PSMA8: variants seen among roughly 807,000 people sequenced by gnomAD.
PSMA8 encodes the protein proteasome subunit alpha-type 8.
Under a neutral mutation model 32.4 loss-of-function variants are expected in PSMA8, and 18 were observed. The ratio of observed to expected loss-of-function variants is 0.56; its 90% confidence interval spans 0.38 to 0.82. The LOEUF (loss-of-function observed/expected upper bound fraction) is 0.82, where lower values mean the gene tolerates loss of function less well. Ranked by LOEUF, PSMA8 falls within the 40% of genes least tolerant of loss-of-function variation. The pLI is 0.00. For missense variants in PSMA8, 298 were observed against 300.7 expected (o/e 0.99, Z 0.07); for synonymous variants, 104 against 98.1 (o/e 1.06, Z -0.36).
chr18:26,173,714 G>T (rs978329592), intron 4 of PSMA8, among the ~76,000 whole-genome samples: 11 of 151,930 alleles, frequency 7.2e-5, no homozygotes, highest in Non-Finnish European at 1.5e-4. Context: ...GTGCCACCAC[G>T]CCTGGCTAAT....
At chr18:26,157,215 T>C (rs2055097111) in intron 3 of PSMA8, among the ~76,000 whole-genome samples, 1 of 152,114 alleles carries the variant, frequency 6.6e-6, no homozygotes. Context: ...CATACAGTTA[T>C]ATACAGCCAC....
intron 4 of PSMA8, 108 bp downstream of exon 4, chr18:26,158,352 A>G (rs917499966): frequency 2.2e-6 from 2 of 918,414 alleles, no homozygotes; most frequent in East Asian, 2.8e-5. Flanking sequence ...AAATATTGAT[A>G]TTGGTAAAAT....
chr18:26,142,756 G>A (rs1307126800), intron 1 of PSMA8, among the ~76,000 whole-genome samples: 1 of 152,170 alleles, frequency 6.6e-6, no homozygotes, highest in Non-Finnish European at 1.5e-5. Context: ...CTTTCTTGCT[G>A]TGTCCTCACA....
intron 1 of PSMA8, among the ~76,000 whole-genome samples, chr18:26,139,500 G>A (rs1191857057): frequency 2.0e-5 from 3 of 152,164 alleles, no homozygotes; most frequent in East Asian, 3.8e-4. Context: ...GAGACTGTGA[G>A]GCAGCTGAAA....
At chr18:26,167,662 G>A (rs539055014) in intron 4 of PSMA8, among the ~76,000 whole-genome samples, 1 of 152,224 alleles carries the variant, frequency 6.6e-6, no homozygotes, top group East Asian at 1.9e-4. Flanking sequence ...TCTTTTGCAT[G>A]AACATGTATG....
At chr18:26,171,385 G>A in intron 4 of PSMA8, 1 of 1,248,442 alleles carries the variant, frequency 8.0e-7, no homozygotes, top group Non-Finnish European at 1.1e-6. Flanking sequence ...ATACCAAGCA[G>A]ACTAATATAA....
chr18:26,187,244 G>A (rs1328004560), intron 6 of PSMA8, among the ~76,000 whole-genome samples: 1 of 152,166 alleles, frequency 6.6e-6, no homozygotes. Flanking sequence ...TACTCAGGGG[G>A]CTGAGGCAGG....
chr18:26,133,889 T>C lies in PSMA8; in HGVS notation c.-77T>C. 4 of 1,269,310 alleles carry C rather than the reference T, an allele frequency of 3.2e-6. No homozygotes were observed. Among genetic ancestry groups the C allele is most frequent in the Non-Finnish European group, 4.6e-6 (4 of 874,954 alleles). 78.6% of individuals were successfully genotyped at this position (1,269,310 alleles called of 1,614,324 possible). A position where few individuals can be genotyped will look rare whatever the true frequency, so the allele number is the denominator to read the frequency against. On this transcript the variant is annotated 5_prime_UTR_variant, in exon 1 of 7. Coordinates refer to ENST00000415576, the MANE Select transcript of PSMA8 (RefSeq NM_001025096.2). ...GAAGCGCTTCCGGGCGGTAGCACGC[T>C]GTGTTGGCGGCGGCTCCCCGCTTGC...
At chr18:26,190,283 AAG>A (rs1257021203) in intron 6 of PSMA8, among the ~76,000 whole-genome samples, 1 of 152,156 alleles carries the variant, frequency 6.6e-6, no homozygotes, top group East Asian at 1.9e-4. Context: ...AGATAACTAA[AAG>A]AGTATAATTG....
At chr18:26,135,181 T>C (rs952928014) in intron 1 of PSMA8, among the ~76,000 whole-genome samples, 5 of 152,198 alleles carry the variant, frequency 3.3e-5, no homozygotes, top group African/African-American at 1.2e-4. Flanking sequence ...TCAATAATTT[T>C]AGTGATTTAT....
chr18:26,172,419 G>A (rs566288465), intron 4 of PSMA8, among the ~76,000 whole-genome samples: 1 of 152,288 alleles, frequency 6.6e-6, no homozygotes, highest in South Asian at 2.1e-4. Flanking sequence ...TGGGCATAGT[G>A]ATGTACCAAT....
intron 6 of PSMA8, among the ~76,000 whole-genome samples, chr18:26,191,756 A>G (rs1017192397): frequency 2.0e-5 from 3 of 152,180 alleles, no homozygotes; most frequent in African/African-American, 7.2e-5. Flanking sequence ...GGTTTGGCCA[A>G]TAATTGCTGT....
chr18:26,166,183 G>GT (rs1247677173), intron 4 of PSMA8, among the ~76,000 whole-genome samples: 3 of 152,128 alleles, frequency 2.0e-5, no homozygotes, highest in Non-Finnish European at 2.9e-5. Flanking sequence ...AATCCTTATT[G>GT]TGCATGGGTT....
At chr18:26,167,501 G>T (rs1222092933) in intron 4 of PSMA8, among the ~76,000 whole-genome samples, 1 of 152,002 alleles carries the variant, frequency 6.6e-6, no homozygotes, top group African/African-American at 2.4e-5. Flanking sequence ...GATGGAATTG[G>T]GTCCCCCAAA....
chr18:26,143,410 C>CA (rs1232865643), intron 1 of PSMA8, among the ~76,000 whole-genome samples: 1 of 152,104 alleles, frequency 6.6e-6, no homozygotes, highest in African/African-American at 2.4e-5. Flanking sequence ...TGAACTGCTG[C>CA]AATAGGCTGC....
chr18:26,179,107 A>G lies in PSMA8; in HGVS notation c.637A>G (p.Ile213Val). The change falls in exon 6 of 7, where the codon ATA becomes GTA. Residue 213 changes from isoleucine to valine, a missense_variant. Physicochemically the swap from Ile to Val is conservative, Grantham distance 29. Coordinates refer to ENST00000415576, the MANE Select transcript of PSMA8 (RefSeq NM_001025096.2). ...SGGKNIELAI[I>V]RRNQPLKMFS... is the part of the protein sequence containing the mutation. ...TGGAAAAAACATTGAACTTGCTATA[A>G]TAAGAAGAAATCAACCTTTGAAGGT... 1 of 1,612,194 alleles carries G rather than the reference A, an allele frequency of 6.2e-7. No individual in the cohort carries two copies. The highest frequency in any genetic ancestry group is 1.8e-4 in the Middle Eastern group (1 of 5,700).
intron 2 of PSMA8, among the ~76,000 whole-genome samples, chr18:26,148,054 GTCTAGGA>G (rs1247436800): frequency 6.6e-6 from 1 of 152,104 alleles, no homozygotes; most frequent in African/African-American, 2.4e-5. Context: ...ACAAAGGAAA[GTCTAGGA>G]TCTAACGACT....
At chr18:26,140,024 T>G in intron 1 of PSMA8, 1 of 702,762 alleles carries the variant, frequency 1.4e-6, no homozygotes, top group Non-Finnish European at 2.6e-6. Flanking sequence ...ATCTCCATAC[T>G]TTATTTTCTT....
At chr18:26,134,349 GTGTGTGTGTGTGTGTCTC>G in intron 1 of PSMA8, among the ~76,000 whole-genome samples, 1 of 134,846 alleles carries the variant, frequency 7.4e-6, no homozygotes, top group African/African-American at 3.7e-5. Flanking sequence ...GGGTGTGTGT[GTGTGTGTGTGTGTGTCTC>G]TGTGTGTGTG....
Sources: allele counts gnomAD v4.1 joint callset (sites outside exome capture counted in the v4.1 genomes callset), GRCh38; gene constraint gnomAD v4.1.1; transcripts MANE v1.5; gene names NCBI Gene and HGNC (gene_info 2026-07-23, HGNC 2026-07-21).